The following N4BP2L2 variants were observed in gnomAD, a reference collection of about 807,000 sequenced individuals.
The protein encoded by N4BP2L2 is NEDD4-binding protein 2-like 2.
N4BP2L2 carries 50 observed loss-of-function variants against 56.2 expected under a neutral mutation model. The ratio of observed to expected loss-of-function variants is 0.89; its 90% confidence interval spans 0.71 to 1.13. The LOEUF (loss-of-function observed/expected upper bound fraction) is 1.13. N4BP2L2 is among the 50% of genes most tolerant of loss of function. The probability of loss-of-function intolerance (pLI) is 0.00; values close to 1 mark genes in which losing one functional copy is unlikely to be tolerated. For synonymous variants in N4BP2L2, 203 were observed against 223.6 expected (o/e 0.91, Z 0.82); for missense variants, 689 against 693.8 (o/e 0.99, Z 0.08).
intron 6 of N4BP2L2, among the ~76,000 whole-genome samples, chr13:32,493,053 G>C (rs866030123): frequency 1.3e-5 from 2 of 151,006 alleles, no homozygotes; most frequent in African/African-American, 4.9e-5. Context: ...CTCCCGAGTA[G>C]CTGGGATTAC....
chr13:32,438,730 C>A (rs779738729), exon 8 of N4BP2L2: 2 of 1,607,046 alleles, frequency 1.2e-6, no homozygotes, highest in East Asian at 4.5e-5. Flanking sequence ...CATCAGGCAA[C>A]AAGGATTCTG....
exon 6 of N4BP2L2, chr13:32,516,879 C>T: frequency 1.0e-6 from 1 of 984,280 alleles, no homozygotes; most frequent in Non-Finnish European, 1.2e-6. Flanking sequence ...GGATGAATGA[C>T]AAGACCTCTG....
intron 3 of N4BP2L2, among the ~76,000 whole-genome samples, chr13:32,526,029 CAAAAAAA>C (rs1274880215): frequency 2.1e-4 from 8 of 37,424 alleles, no homozygotes; most frequent in South Asian, 1.2e-3. Flanking sequence ...ATCTGCTTGC[CAAAAAAA>C]AAAAAAAAAA....
At chr13:32,449,766 A>G (rs534296332) in intron 6 of N4BP2L2, among the ~76,000 whole-genome samples, 11 of 152,346 alleles carry the variant, frequency 7.2e-5, no homozygotes, top group Admixed American at 6.5e-4. Context: ...AATTTCACTG[A>G]GACTCCCACG....
intron 6 of N4BP2L2, among the ~76,000 whole-genome samples, chr13:32,487,525 G>T (rs1593797038): frequency 6.6e-6 from 1 of 150,708 alleles, no homozygotes; most frequent in Middle Eastern, 3.4e-3. Flanking sequence ...AAAATATTCA[G>T]GCCAGGCATT....
At chr13:32,451,517 A>C (rs2078011320) in intron 6 of N4BP2L2, among the ~76,000 whole-genome samples, 2 of 152,066 alleles carry the variant, frequency 1.3e-5, no homozygotes, top group Non-Finnish European at 1.5e-5. Flanking sequence ...TTTATTTATA[A>C]ATTTAGCTAG....
chr13:32,529,440 G>A (rs1566183578), intron 2 of N4BP2L2, among the ~76,000 whole-genome samples: 3 of 152,136 alleles, frequency 2.0e-5, no homozygotes, highest in South Asian at 4.1e-4. Context: ...AAGCAGCCAT[G>A]ATTTATCCAA....
At chr13:32,530,411 ACAT>A (rs2054384406) in intron 2 of N4BP2L2, among the ~76,000 whole-genome samples, 2 of 152,206 alleles carry the variant, frequency 1.3e-5, no homozygotes, top group African/African-American at 2.4e-5. Context: ...TTATTTAAGA[ACAT>A]CAGTATTTTC....
At chr13:32,476,410 C>T (rs947108682) in intron 6 of N4BP2L2, among the ~76,000 whole-genome samples, 2 of 152,114 alleles carry the variant, frequency 1.3e-5, no homozygotes, top group Non-Finnish European at 2.9e-5. Context: ...AAATAAATTA[C>T]GTGGAATTCT....
chr13:32,523,809 G>C (rs1178042195), intron 3 of N4BP2L2: 1 of 152,210 alleles, frequency 6.6e-6, no homozygotes, highest in Non-Finnish European at 1.5e-5. Flanking sequence ...GAGACTCAGG[G>C]GGAAAGGGTG....
exon 7 of N4BP2L2, chr13:32,443,303 G>A (rs1216067039): frequency 6.2e-7 from 1 of 1,613,806 alleles, no homozygotes; most frequent in Non-Finnish European, 8.5e-7. Context: ...CTGCTGTCAG[G>A]ACCAGCCAAC....
rs2048226573 is a variant in N4BP2L2, at chr13:32,511,899, A to T, written c.*5903T>A. The T allele has an allele frequency of 2.6e-5, 4 of 152,292 alleles. No individual in the cohort carries two copies. The South Asian group carries it at 8.3e-4, about 32-fold the overall frequency. The allele number at this position is 152,292 out of a possible 1,614,324, so 9.4% of individuals were successfully genotyped here. Reference sequence around the variant, plus strand: ...ACAAAGAACCCACAATCCCTTCCTGAGTAAATTTTCTTTCATTTTGTTACA... The same window carrying T: ...ACAAAGAACCCACAATCCCTTCCTGTGTAAATTTTCTTTCATTTTGTTACA... On this transcript the variant is annotated 3_prime_UTR_variant, in exon 6 of 6. Coordinates refer to ENST00000267068, the Ensembl canonical transcript of N4BP2L2.
intron 6 of N4BP2L2, among the ~76,000 whole-genome samples, chr13:32,479,589 T>C (rs2084135837): frequency 6.6e-6 from 1 of 151,364 alleles, no homozygotes; most frequent in African/African-American, 2.4e-5. Flanking sequence ...CCAGTAATTA[T>C]TAAAACAATG....
rs572191156 is a variant in N4BP2L2, at chr13:32,537,124, T to A, written c.1-97A>T. On this transcript the variant is annotated intron_variant, in intron 1 of 5. Transcript: ENST00000267068. ...AAGAAATTAGACAAAGACATTTAAA[T>A]TTGTGATATATTTAATGGTAACAAT... The A allele has an allele frequency of 4.5e-6, 4 of 891,200 alleles. No individual in the cohort carries two copies. The South Asian group carries it at 1.0e-4, about 23-fold the overall frequency. The allele number at this position is 891,200 out of a possible 1,614,324, so 55.2% of individuals were successfully genotyped here. A position where few individuals can be genotyped will look rare whatever the true frequency, so the allele number is the denominator to read the frequency against.
exon 3 of N4BP2L2, chr13:32,527,458 C>G (rs1182719228): frequency 6.2e-7 from 1 of 1,613,848 alleles, no homozygotes; most frequent in East Asian, 2.2e-5. Flanking sequence ...AACATTATAC[C>G]TGTACCCATC....
At chr13:32,466,265 C>A (rs1191955336) in intron 6 of N4BP2L2, among the ~76,000 whole-genome samples, 4 of 151,892 alleles carry the variant, frequency 2.6e-5, no homozygotes, top group Non-Finnish European at 2.9e-5. Context: ...CAATATTGAG[C>A]AAAAGAAGCT....
intron 6 of N4BP2L2, among the ~76,000 whole-genome samples, chr13:32,483,010 T>C (rs575031826): frequency 3.5e-4 from 53 of 152,366 alleles, no homozygotes; most frequent in Non-Finnish European, 6.9e-4. Context: ...TCAATGTCTA[T>C]GAATTTTCAT....
intron 6 of N4BP2L2, among the ~76,000 whole-genome samples, chr13:32,481,226 A>T (rs1472378358): frequency 6.6e-6 from 1 of 151,998 alleles, no homozygotes; most frequent in African/African-American, 2.4e-5. Context: ...TCTATTAATC[A>T]AAATTTTAAA....
At chr13:32,492,714 C>T (rs1236009505) in intron 6 of N4BP2L2, among the ~76,000 whole-genome samples, 1 of 151,986 alleles carries the variant, frequency 6.6e-6, no homozygotes, top group Non-Finnish European at 1.5e-5. Flanking sequence ...AATTTAGCAA[C>T]CACATTTCTA....
Sources: gnomAD v4.1 joint callset for allele counts (sites outside exome capture counted in the v4.1 genomes callset) on GRCh38, gnomAD v4.1.1 for gene constraint, MANE v1.5 for transcripts, NCBI Gene and HGNC (gene_info 2026-07-23, HGNC 2026-07-21) for gene names.